The following KLHDC1 variants were observed in gnomAD, a reference collection of about 807,000 sequenced individuals.
The protein encoded by KLHDC1 is kelch domain-containing protein 1.
A neutral mutation model predicts 68.3 loss-of-function variants in KLHDC1; 53 were observed. The observed-to-expected ratio is 0.78, with a 90% CI of 0.62 to 0.98. KLHDC1 has a LOEUF of 0.98. KLHDC1 is among the 50% of genes least tolerant of loss of function. The pLI, the probability that KLHDC1 is intolerant of heterozygous loss-of-function variation, is 0.00. For synonymous variants in KLHDC1, 148 were observed against 159.0 expected, an observed-to-expected ratio of 0.93 and a Z score of 0.52; for missense variants, 470 against 492.3, an observed-to-expected ratio of 0.95 and a Z score of 0.43.
intron 1 of KLHDC1, among the ~76,000 whole-genome samples, chr14:49,703,011 T>C (rs1430001545): frequency 1.3e-5 from 2 of 152,222 alleles, no homozygotes; most frequent in African/African-American, 4.8e-5. Flanking sequence ...GCCTCCCTGA[T>C]GATTCTGTGA....
intron 6 of KLHDC1, among the ~76,000 whole-genome samples, chr14:49,727,317 C>T (rs1888695843): frequency 6.6e-6 from 1 of 151,968 alleles, no homozygotes; most frequent in South Asian, 2.1e-4. Flanking sequence ...CTACCCTTTA[C>T]AGCAATTCCT....
intron 10 of KLHDC1, 142 bp from the exon 11 acceptor site, chr14:49,739,956 A>G: frequency 1.9e-6 from 1 of 515,062 alleles, no homozygotes; most frequent in South Asian, 3.4e-5. Context: ...AACCCTTTTT[A>G]GGATATTCCA....
intron 12 of KLHDC1, 43 bp from the exon 13 acceptor site, chr14:49,751,543 C>T (rs1294782886): frequency 3.4e-6 from 3 of 881,242 alleles, no homozygotes; most frequent in East Asian, 2.8e-5. Flanking sequence ...TATATTATAA[C>T]CTCAGGTTCA....
intron 10 of KLHDC1, among the ~76,000 whole-genome samples, chr14:49,739,224 T>C (rs575466209): frequency 2.0e-5 from 3 of 152,298 alleles, no homozygotes; most frequent in Admixed American, 1.3e-4. Flanking sequence ...AGCCTAGAGA[T>C]AGATGATAAG....
At position 49,709,813 on chromosome 14, in the gene KLHDC1, G is replaced by A; in HGVS notation, c.272G>A (p.Gly91Glu). ...LYIFGGYDDK[G>E]YSNRLYFVNL... ...ATTTTTGGAGGATATGATGACAAAG[G>A]ATACAGCAATCGAGTAATAATTTCT... Residue 91 changes from glycine (G) to glutamate (E), a missense_variant, in exon 3 of 13, where the codon GGA becomes GAA. Gly to Glu is a moderately conservative substitution (Grantham distance 98). Transcript: ENST00000359332. The A allele has an allele frequency of 2.6e-6, 4 of 1,563,260 alleles. No homozygotes were observed. In the South Asian group the frequency reaches 3.5e-5, roughly 14 times the overall value.
intron 11 of KLHDC1, among the ~76,000 whole-genome samples, chr14:49,740,520 G>T (rs1889038920): frequency 6.6e-6 from 1 of 151,968 alleles, no homozygotes; most frequent in Admixed American, 6.6e-5. Flanking sequence ...TGTATTTTTA[G>T]TAGAGAGACG....
intron 10 of KLHDC1, among the ~76,000 whole-genome samples, chr14:49,736,531 G>T (rs564984276): frequency 4.7e-4 from 72 of 152,252 alleles, no homozygotes; most frequent in Non-Finnish European, 9.7e-4. Context: ...TGAGTGTAAG[G>T]AGAACATATA....
chr14:49,720,925 C>A (rs1052361577), intron 4 of KLHDC1, among the ~76,000 whole-genome samples: 4 of 151,990 alleles, frequency 2.6e-5, no homozygotes, highest in African/African-American at 7.2e-5. Flanking sequence ...ATAATGAATT[C>A]TTTAGTTCTG....
chr14:49,728,953 G>C lies in KLHDC1; in HGVS notation c.595G>C (p.Ala199Pro), dbSNP rs145471132. 1.9e-6 allele frequency: 3 copies of C among 1,613,542 alleles called. No homozygotes were observed. Among genetic ancestry groups the C allele is most frequent in the African/African-American group, 2.7e-5 (2 of 74,898 alleles). The change falls in exon 7 of 13, where the codon GCG becomes CCG. Residue 199 changes from alanine (A) to proline (P), a missense_variant. By Grantham distance (27) the Ala-to-Pro change is conservative (BLOSUM62 -1). Transcript: ENST00000359332. ...TGGAGTTCCACCACAGCCACGAGCCGCGCATACATGTGCAGTTCTTGGAAA... is the reference window on the plus strand; with the variant it reads ...TGGAGTTCCACCACAGCCACGAGCCCCGCATACATGTGCAGTTCTTGGAAA... Reference protein sequence around the residue: ...KGGVPPQPRAAHTCAVLGNKG... With the variant: ...KGGVPPQPRAPHTCAVLGNKG...
intron 1 of KLHDC1, among the ~76,000 whole-genome samples, chr14:49,702,099 C>T (rs1185149295): frequency 7.1e-6 from 1 of 140,216 alleles, no homozygotes; most frequent in Non-Finnish European, 1.5e-5. Context: ...ACCTGGGAGG[C>T]GGAGGTTGCA....
intron 10 of KLHDC1, among the ~76,000 whole-genome samples, chr14:49,739,618 G>A (rs1458276628): frequency 1.3e-5 from 2 of 152,164 alleles, no homozygotes; most frequent in South Asian, 2.1e-4. Flanking sequence ...TAACATCGCA[G>A]ATAGTAATAA....
intron 1 of KLHDC1, among the ~76,000 whole-genome samples, chr14:49,705,925 A>G (rs1888039714): frequency 6.6e-6 from 1 of 152,226 alleles, no homozygotes. Context: ...CAGGCATGCA[A>G]TGCATAATAG....
intron 4 of KLHDC1, among the ~76,000 whole-genome samples, chr14:49,722,125 T>G (rs1401160838): frequency 6.6e-6 from 1 of 152,164 alleles, no homozygotes; most frequent in Non-Finnish European, 1.5e-5. Flanking sequence ...TGGGTTTCCT[T>G]TTTTTTGTTG....
chr14:49,750,799 A>G (rs933109761), intron 12 of KLHDC1, among the ~76,000 whole-genome samples: 1 of 152,166 alleles, frequency 6.6e-6, no homozygotes, highest in African/African-American at 2.4e-5. Flanking sequence ...CCTCTAGTCT[A>G]ATGGAATCAA....
intron 4 of KLHDC1, among the ~76,000 whole-genome samples, chr14:49,723,478 G>C (rs1888588141): frequency 6.6e-6 from 1 of 151,736 alleles, no homozygotes; most frequent in Non-Finnish European, 1.5e-5. Context: ...GTTGCAGTGA[G>C]CTGAGATCAT....
chr14:49,721,871 C>T (rs1041925055), intron 4 of KLHDC1, among the ~76,000 whole-genome samples: 2 of 152,150 alleles, frequency 1.3e-5, no homozygotes, highest in Non-Finnish European at 2.9e-5. Context: ...CTCTTTCAGC[C>T]TTGCATCTCC....
intron 4 of KLHDC1, among the ~76,000 whole-genome samples, chr14:49,721,636 T>C (rs1888527580): frequency 6.6e-6 from 1 of 152,224 alleles, no homozygotes; most frequent in Non-Finnish European, 1.5e-5. Context: ...GAGTTTTACC[T>C]CTGGCTTCAA....
At position 49,728,989 on chromosome 14, in the gene KLHDC1, A is replaced by G; in HGVS notation, c.631A>G (p.Ile211Val). The G allele has an allele frequency of 6.2e-7, 1 of 1,613,156 alleles. No individual in the cohort carries two copies. Among genetic ancestry groups the G allele is most frequent in the Non-Finnish European group, 8.5e-7 (1 of 1,179,108 alleles). Residue 211 changes from isoleucine (I) to valine (V), a missense_variant, in exon 7 of 13, where the codon ATC becomes GTC. Coordinates refer to ENST00000359332, the MANE Select transcript of KLHDC1 (RefSeq NM_172193.3). Reference sequence around the variant, plus strand: ...TGCAGTTCTTGGAAATAAGGGTTATATCTTTGGCGGACGTGTTCTGGTTAG... The same window carrying G: ...TGCAGTTCTTGGAAATAAGGGTTATGTCTTTGGCGGACGTGTTCTGGTTAG... ...TCAVLGNKGY[I>V]FGGRVLQTRM...
intron 4 of KLHDC1, 47 bp downstream of exon 4, chr14:49,710,428 A>G (rs1888169462): frequency 2.0e-6 from 2 of 980,436 alleles, no homozygotes; most frequent in Non-Finnish European, 3.2e-6. Flanking sequence ...CTAAGCAAAG[A>G]TAATAGCTTT....
Sources: gnomAD v4.1 joint callset for allele counts (sites outside exome capture counted in the v4.1 genomes callset) on GRCh38, gnomAD v4.1.1 for gene constraint, MANE v1.5 for transcripts, NCBI Gene and HGNC (gene_info 2026-07-23, HGNC 2026-07-21) for gene names.